The following CLEC2A variants were observed in gnomAD, a reference collection of about 807,000 sequenced individuals.
CLEC2A encodes C-type lectin domain family 2 member A, also known as keratinocyte-associated C-type lectin.
CLEC2A carries 19 observed loss-of-function variants against 18.6 expected under a neutral mutation model. That is an observed-to-expected ratio of 1.02 (90% confidence interval 0.71 to 1.50). The LOEUF (loss-of-function observed/expected upper bound fraction) is 1.50, where lower values mean the gene tolerates loss of function less well. CLEC2A is among the 40% of genes most tolerant of loss of function. CLEC2A has a pLI of 0.00. For missense variants in CLEC2A, 190 were observed against 207.9 expected (o/e 0.91, Z 0.53); for synonymous variants, 74 against 64.0 (o/e 1.16, Z -0.75).
chr12:9,913,801 C>G, intron 4 of CLEC2A, 121 bp from the exon 5 acceptor site: 1 of 609,326 alleles, frequency 1.6e-6, no homozygotes, highest in Middle Eastern at 2.7e-4. Flanking sequence ...AAAATATACC[C>G]ACCCATCACC....
intron 3 of CLEC2A, among the ~76,000 whole-genome samples, chr12:9,917,250 T>A (rs1258298267): frequency 1.3e-5 from 2 of 152,218 alleles, no homozygotes; most frequent in African/African-American, 2.4e-5. Context: ...CTGTGATATA[T>A]GTGAAGGTTT....
At chr12:9,889,747 G>A in the CLEC2A span, among the ~76,000 whole-genome samples, 1 of 151,504 alleles carries the variant, frequency 6.6e-6, no homozygotes, top group East Asian at 1.9e-4. Flanking sequence ...ACTCCAATAC[G>A]GTAATACAGT....
chr12:9,881,140 C>A, the CLEC2A span, among the ~76,000 whole-genome samples: 1 of 152,128 alleles, frequency 6.6e-6, no homozygotes, highest in East Asian at 1.9e-4. Flanking sequence ...TCAAATATGT[C>A]CCAAATAACA....
the CLEC2A span, among the ~76,000 whole-genome samples, chr12:9,888,041 C>A: frequency 2.8e-5 from 3 of 107,524 alleles, no homozygotes; most frequent in Non-Finnish European, 5.2e-5. Flanking sequence ...GGTGACAAAG[C>A]CAGACCCTGT....
chr12:9,919,058 A>T (rs1863119651), intron 3 of CLEC2A, among the ~76,000 whole-genome samples: 1 of 152,166 alleles, frequency 6.6e-6, no homozygotes, highest in Non-Finnish European at 1.5e-5. Flanking sequence ...TGACTCCCTT[A>T]CTTTTCCTCA....
At chr12:9,885,245 A>G in the CLEC2A span, among the ~76,000 whole-genome samples, 1 of 151,718 alleles carries the variant, frequency 6.6e-6, no homozygotes, top group Non-Finnish European at 1.5e-5. Context: ...ATAGAGGTTG[A>G]CTTTATTATC....
chr12:9,922,003 T>C, intron 3 of CLEC2A, 63 bp downstream of exon 3: 1 of 1,292,712 alleles, frequency 7.7e-7, no homozygotes, highest in Non-Finnish European at 1.1e-6. Context: ...TAGCTATTAT[T>C]GTTTTATTAT....
intron 3 of CLEC2A, among the ~76,000 whole-genome samples, chr12:9,917,441 C>A (rs1257987239): frequency 1.3e-5 from 2 of 152,128 alleles, no homozygotes; most frequent in Non-Finnish European, 2.9e-5. Flanking sequence ...TTATGTACAT[C>A]ATTTACATAG....
At chr12:9,880,547 C>T in the CLEC2A span, among the ~76,000 whole-genome samples, 12 of 144,040 alleles carry the variant, frequency 8.3e-5, no homozygotes, top group Non-Finnish European at 1.8e-4. Context: ...TGTGTGTGTG[C>T]GTGTTAAGTG....
chr12:9,902,925 G>C (rs1017541025), intron 4 of CLEC2A, among the ~76,000 whole-genome samples: 1 of 152,126 alleles, frequency 6.6e-6, no homozygotes, highest in Non-Finnish European at 1.5e-5. Flanking sequence ...ACACGTGTTG[G>C]GGGAGAAGGA....
chr12:9,887,022 CATAA>C, the CLEC2A span, among the ~76,000 whole-genome samples: 1 of 151,276 alleles, frequency 6.6e-6, no homozygotes, highest in Non-Finnish European at 1.5e-5. Flanking sequence ...AGAAAAAAAA[CATAA>C]ATAAATATAA....
chr12:9,898,052 G>T (rs959288688), downstream of CLEC2A, among the ~76,000 whole-genome samples: 1 of 152,196 alleles, frequency 6.6e-6, no homozygotes, highest in African/African-American at 2.4e-5. Flanking sequence ...CATAAAATGA[G>T]TATTTGAAGG....
intron 4 of CLEC2A, among the ~76,000 whole-genome samples, chr12:9,908,162 A>T (rs1218877899): frequency 6.6e-6 from 1 of 152,186 alleles, no homozygotes; most frequent in Non-Finnish European, 1.5e-5. Flanking sequence ...CTACCTCCCC[A>T]GCAGTTTTCA....
chr12:9,916,821 G>A lies in CLEC2A; in HGVS notation c.307-18C>T. ...AAAAATTCCTTTCACAAAACAAAGG[G>A]AATCAGCGATTACTTAATATGTTAC... On this transcript the variant is annotated intron_variant, in intron 3 of 4. Coordinates refer to ENST00000455827, the MANE Select transcript of CLEC2A (RefSeq NM_001130711.2). 1 of 1,449,346 alleles carries A rather than the reference G, an allele frequency of 6.9e-7. No homozygotes were observed. Among genetic ancestry groups the A allele is most frequent in the Non-Finnish European group, 9.5e-7 (1 of 1,053,682 alleles). 89.8% of individuals were successfully genotyped at this position (1,449,346 alleles called of 1,614,324 possible). A position where few individuals can be genotyped will look rare whatever the true frequency, so the allele number is the denominator to read the frequency against.
the CLEC2A span, among the ~76,000 whole-genome samples, chr12:9,883,117 A>AT: frequency 6.6e-6 from 1 of 152,282 alleles, no homozygotes; most frequent in African/African-American, 2.4e-5. Context: ...CTTGCTATAC[A>AT]TTTGCTTCCA....
At chr12:9,890,773 A>G in the CLEC2A span, among the ~76,000 whole-genome samples, 1 of 152,174 alleles carries the variant, frequency 6.6e-6, no homozygotes, top group Non-Finnish European at 1.5e-5. Flanking sequence ...TGCAAGTGAT[A>G]TTTCGTCATA....
At chr12:9,891,185 A>G in the CLEC2A span, among the ~76,000 whole-genome samples, 2 of 152,150 alleles carry the variant, frequency 1.3e-5, no homozygotes, top group African/African-American at 4.8e-5. Context: ...AAGTGTATAT[A>G]AGGTGCTTAG....
At chr12:9,893,359 A>T in the CLEC2A span, 1 of 840,288 alleles carries the variant, frequency 1.2e-6, no homozygotes, top group Non-Finnish European at 1.8e-6. Flanking sequence ...CGGCACAGAG[A>T]CTTACACTAT....
At chr12:9,928,981 A>G (rs1305603682) in intron 1 of CLEC2A, among the ~76,000 whole-genome samples, 1 of 152,098 alleles carries the variant, frequency 6.6e-6, no homozygotes, top group Non-Finnish European at 1.5e-5. Flanking sequence ...CTGTTCTGGC[A>G]TGTGATATTT....
Sources: gnomAD v4.1 joint callset for allele counts (sites outside exome capture counted in the v4.1 genomes callset) on GRCh38, gnomAD v4.1.1 for gene constraint, MANE v1.5 for transcripts, NCBI Gene and HGNC (gene_info 2026-07-23, HGNC 2026-07-21) for gene names.